Variants in PLCB1 observed in about 807,000 individuals in gnomAD.
PLCB1 encodes 1-phosphatidylinositol 4,5-bisphosphate phosphodiesterase beta-1.
PLCB1 carries 46 observed loss-of-function variants against 161.8 expected under a neutral mutation model. That is an observed-to-expected ratio of 0.28 (90% confidence interval 0.22 to 0.36). PLCB1 has a LOEUF of 0.36. Among genes scored for constraint, PLCB1 ranks in the 10% least tolerant of loss-of-function variants. PLCB1 has a pLI of 1.00. For missense variants in PLCB1, 1,016 were observed against 1,472.5 expected (o/e 0.69, Z 5.07); for synonymous variants, 517 against 503.7 (o/e 1.03, Z -0.35).
At chr20:8,461,456 G>A (rs1981574358) in intron 3 of PLCB1, among the ~76,000 whole-genome samples, 1 of 151,994 alleles carries the variant, frequency 6.6e-6, no homozygotes, top group Non-Finnish European at 1.5e-5. Flanking sequence ...TCATGATTAT[G>A]GTAATGTAAT....
intron 26 of PLCB1, among the ~76,000 whole-genome samples, chr20:8,771,196 A>C (rs1017857224): frequency 6.6e-6 from 1 of 152,230 alleles, no homozygotes; most frequent in Admixed American, 6.5e-5. Context: ...TTTTTTAAAA[A>C]AGAATGTAAA....
At chr20:8,352,755 C>T (rs1986221631) in intron 2 of PLCB1, among the ~76,000 whole-genome samples, 1 of 151,990 alleles carries the variant, frequency 6.6e-6, no homozygotes, top group Non-Finnish European at 1.5e-5. Flanking sequence ...TTCTTATATA[C>T]TGGAATTGAA....
chr20:8,492,581 T>C (rs763087385), intron 3 of PLCB1, among the ~76,000 whole-genome samples: 4 of 151,960 alleles, frequency 2.6e-5, no homozygotes, highest in Admixed American at 6.6e-5. Context: ...GTACATATGT[T>C]GGGGAGTAAT....
At chr20:8,207,926 A>G (rs1230965506) in intron 2 of PLCB1, among the ~76,000 whole-genome samples, 4 of 152,050 alleles carry the variant, frequency 2.6e-5, no homozygotes, top group African/African-American at 9.7e-5. Flanking sequence ...TGCAGCTTTT[A>G]AATTGTAGAT....
At chr20:8,697,229 TAGC>T (rs1432075516) in intron 10 of PLCB1, among the ~76,000 whole-genome samples, 1 of 152,202 alleles carries the variant, frequency 6.6e-6, no homozygotes, top group Non-Finnish European at 1.5e-5. Context: ...TTCTACTTCC[TAGC>T]ATTGGAAACT....
At chr20:8,279,041 T>C (rs1387501882) in intron 2 of PLCB1, among the ~76,000 whole-genome samples, 1 of 151,946 alleles carries the variant, frequency 6.6e-6, no homozygotes, top group Non-Finnish European at 1.5e-5. Flanking sequence ...TTAGAACTTT[T>C]GTGCATTGCT....
intron 3 of PLCB1, among the ~76,000 whole-genome samples, chr20:8,490,933 T>C (rs942550535): frequency 4.2e-4 from 63 of 151,038 alleles, no homozygotes; most frequent in African/African-American, 1.5e-3. Flanking sequence ...AGCATATATG[T>C]GTGTGTGTTT....
intron 15 of PLCB1, among the ~76,000 whole-genome samples, chr20:8,723,584 G>T (rs1019878977): frequency 6.6e-6 from 1 of 152,136 alleles, no homozygotes; most frequent in East Asian, 1.9e-4. Flanking sequence ...TGAGATTGTA[G>T]TACCACTTGC....
At chr20:8,450,377 CTTTCA>C (rs958576553) in intron 3 of PLCB1, among the ~76,000 whole-genome samples, 8 of 151,564 alleles carry the variant, frequency 5.3e-5, no homozygotes, top group African/African-American at 1.5e-4. Flanking sequence ...ATAAATTTTT[CTTTCA>C]TTTTTTTTTT....
chr20:8,662,792 G>T (rs941306111), intron 9 of PLCB1, among the ~76,000 whole-genome samples: 5 of 151,726 alleles, frequency 3.3e-5, no homozygotes, highest in African/African-American at 7.3e-5. Context: ...AAGAGAAGGC[G>T]CATTAAGCAT....
At chr20:8,702,687 G>A (rs550171956) in intron 11 of PLCB1, among the ~76,000 whole-genome samples, 1 of 152,258 alleles carries the variant, frequency 6.6e-6, no homozygotes, top group South Asian at 2.1e-4. Flanking sequence ...AGTGTTACAA[G>A]TCTCTGAAAA....
chr20:8,190,614 G>A (rs908616252), intron 2 of PLCB1, among the ~76,000 whole-genome samples: 3 of 152,062 alleles, frequency 2.0e-5, no homozygotes, highest in Non-Finnish European at 4.4e-5. Context: ...TGGACATTGG[G>A]AAGTCCACTG....
intron 3 of PLCB1, among the ~76,000 whole-genome samples, chr20:8,605,789 C>A (rs1987740412): frequency 6.6e-6 from 1 of 152,024 alleles, no homozygotes; most frequent in Non-Finnish European, 1.5e-5. Flanking sequence ...AACGTTCACT[C>A]TCCTCTCATC....
chr20:8,256,610 G>A (rs1600266603), intron 2 of PLCB1: 1 of 152,128 alleles, frequency 6.6e-6, no homozygotes, highest in East Asian at 1.9e-4. Flanking sequence ...CCAATTTTTT[G>A]ATGGGAGAAA....
chr20:8,679,366 C>G (rs1174653678), intron 9 of PLCB1, among the ~76,000 whole-genome samples: 1 of 152,186 alleles, frequency 6.6e-6, no homozygotes, highest in African/African-American at 2.4e-5. Flanking sequence ...CTCCAGGGCT[C>G]CCTTTTCTGG....
chr20:8,432,555 T>C (rs530213312), intron 3 of PLCB1, among the ~76,000 whole-genome samples: 3 of 152,384 alleles, frequency 2.0e-5, no homozygotes, highest in African/African-American at 7.2e-5. Context: ...GAGAAAATTC[T>C]ATCCTTAGCA....
chr20:8,457,080 C>T (rs1464296054), intron 3 of PLCB1, among the ~76,000 whole-genome samples: 1 of 152,134 alleles, frequency 6.6e-6, no homozygotes, highest in East Asian at 1.9e-4. Flanking sequence ...ATTTTTTAAC[C>T]AACTGCACTT....
At chr20:8,382,084 G>T (rs1317451190) in intron 3 of PLCB1, among the ~76,000 whole-genome samples, 1 of 152,020 alleles carries the variant, frequency 6.6e-6, no homozygotes, top group Non-Finnish European at 1.5e-5. Context: ...TCTGATGTGG[G>T]TACTTAGTGC....
At chr20:8,445,849 G>C (rs933145714) in intron 3 of PLCB1, among the ~76,000 whole-genome samples, 1 of 152,158 alleles carries the variant, frequency 6.6e-6, no homozygotes, top group East Asian at 1.9e-4. Context: ...CTCTCTGTTT[G>C]TCTGTTATTG....
Sources: allele counts gnomAD v4.1 joint callset (sites outside exome capture counted in the v4.1 genomes callset), GRCh38; gene constraint gnomAD v4.1.1; transcripts MANE v1.5; gene names NCBI Gene and HGNC (gene_info 2026-07-23, HGNC 2026-07-21).